The following DPP10 variants were observed in gnomAD, a reference collection of about 807,000 sequenced individuals.
DPP10 encodes inactive dipeptidyl peptidase 10.
A neutral mutation model predicts 120.9 loss-of-function variants in DPP10; 33 were observed. That is an observed-to-expected ratio of 0.27 (90% confidence interval 0.21 to 0.37). The LOEUF (loss-of-function observed/expected upper bound fraction) is 0.37. Ranked by LOEUF, DPP10 falls within the 10% of genes least tolerant of loss-of-function variation. The probability of loss-of-function intolerance (pLI) is 1.00; values close to 1 mark genes in which losing one functional copy is unlikely to be tolerated. For missense variants in DPP10, 816 were observed against 942.8 expected, an observed-to-expected ratio of 0.87 and a Z score of 1.76; for synonymous variants, 337 against 326.1, an observed-to-expected ratio of 1.03 and a Z score of -0.36.
At chr2:114,537,193 C>G (rs1573597302) in intron 1 of DPP10, among the ~76,000 whole-genome samples, 1 of 152,040 alleles carries the variant, frequency 6.6e-6, no homozygotes, top group Admixed American at 6.6e-5. Context: ...TATTTCCAGC[C>G]AATGAGCTCA....
intron 1 of DPP10, among the ~76,000 whole-genome samples, chr2:115,092,172 T>C (rs962605565): frequency 3.3e-5 from 5 of 152,234 alleles, no homozygotes; most frequent in Non-Finnish European, 5.9e-5. Context: ...TAATAAGTGG[T>C]AGACTCTCTC....
At chr2:115,436,049 T>A (rs2071463417) in intron 3 of DPP10, among the ~76,000 whole-genome samples, 1 of 151,938 alleles carries the variant, frequency 6.6e-6, no homozygotes, top group Admixed American at 6.6e-5. Context: ...GGAGTGGTAA[T>A]ATCATTCTTT....
chr2:114,901,390 G>T (rs774660230), intron 1 of DPP10, among the ~76,000 whole-genome samples: 2 of 152,084 alleles, frequency 1.3e-5, no homozygotes, highest in Non-Finnish European at 2.9e-5. Flanking sequence ...TAGAGATGGG[G>T]TTTCACCTTG....
intron 1 of DPP10, among the ~76,000 whole-genome samples, chr2:115,247,001 C>T (rs1559308367): frequency 6.6e-6 from 1 of 151,990 alleles, no homozygotes; most frequent in African/African-American, 2.4e-5. Flanking sequence ...GTCAGTTTTC[C>T]CAAACAGCTT....
intron 1 of DPP10, among the ~76,000 whole-genome samples, chr2:114,585,780 T>C (rs11674134): frequency 0.13 from 20,006 of 152,202 alleles, 1,550 homozygotes; most frequent in East Asian, 0.23. Context: ...CAACTTGATG[T>C]CCCTAGAAGG....
chr2:114,796,904 A>G (rs1309802638), intron 1 of DPP10, among the ~76,000 whole-genome samples: 1 of 152,186 alleles, frequency 6.6e-6, no homozygotes, highest in Non-Finnish European at 1.5e-5. Flanking sequence ...GTCACCTTCT[A>G]AAAATTAACC....
chr2:115,232,298 A>G (rs866266284), intron 1 of DPP10, among the ~76,000 whole-genome samples: 18 of 150,810 alleles, frequency 1.2e-4, no homozygotes, highest in Middle Eastern at 6.8e-3. Flanking sequence ...ACTAAGAGAA[A>G]TGTTCTGAGC....
chr2:115,337,143 CA>C (rs11308584), intron 2 of DPP10, among the ~76,000 whole-genome samples: 55,609 of 125,364 alleles, frequency 0.44, 11,330 homozygotes, highest in African/African-American at 0.61. Flanking sequence ...TTGAAGAAAG[CA>C]AAAAAAAAAA....
intron 8 of DPP10, among the ~76,000 whole-genome samples, 193 bp from the exon 9 acceptor site, chr2:115,739,546 T>C (rs1005924923): frequency 6.6e-6 from 1 of 152,086 alleles, no homozygotes; most frequent in African/African-American, 2.4e-5. Flanking sequence ...ATTGTTTCCT[T>C]CCTCTACAGC....
At chr2:115,238,975 G>C (rs2058134513) in intron 1 of DPP10, among the ~76,000 whole-genome samples, 1 of 152,152 alleles carries the variant, frequency 6.6e-6, no homozygotes, top group Non-Finnish European at 1.5e-5. Flanking sequence ...ATTTTCAAGG[G>C]AAGGAAGCAT....
At chr2:115,231,746 A>C (rs1299269213) in intron 1 of DPP10, among the ~76,000 whole-genome samples, 1 of 152,176 alleles carries the variant, frequency 6.6e-6, no homozygotes, top group Non-Finnish European at 1.5e-5. Context: ...AAAGAAATCC[A>C]GTCTTGTGGT....
intron 7 of DPP10, among the ~76,000 whole-genome samples, chr2:115,703,053 A>G (rs1174155374): frequency 1.3e-5 from 2 of 152,026 alleles, no homozygotes; most frequent in Admixed American, 6.6e-5. Context: ...ATACTTATCT[A>G]TAATTGTATC....
intron 4 of DPP10, among the ~76,000 whole-genome samples, chr2:115,503,017 T>A (rs2076763765): frequency 6.6e-6 from 1 of 151,994 alleles, no homozygotes; most frequent in South Asian, 2.1e-4. Context: ...AGAATATATA[T>A]CTTATGCATT....
At chr2:115,501,148 A>T (rs560010691) in intron 4 of DPP10, among the ~76,000 whole-genome samples, 1 of 152,186 alleles carries the variant, frequency 6.6e-6, no homozygotes, top group South Asian at 2.1e-4. Flanking sequence ...TCAGTAGCCA[A>T]GCATTCAGGT....
At chr2:115,176,480 A>G (rs2053700132) in intron 1 of DPP10, among the ~76,000 whole-genome samples, 1 of 151,964 alleles carries the variant, frequency 6.6e-6, no homozygotes, top group African/African-American at 2.4e-5. Context: ...AGAGACTCCC[A>G]AGACTCCACA....
At chr2:115,350,371 T>G (rs1156505374) in intron 3 of DPP10, among the ~76,000 whole-genome samples, 1 of 152,126 alleles carries the variant, frequency 6.6e-6, no homozygotes, top group Non-Finnish European at 1.5e-5. Flanking sequence ...TTGAGTTGTT[T>G]TTATTTTTTC....
chr2:115,137,284 C>T (rs1384774721), intron 1 of DPP10, among the ~76,000 whole-genome samples: 1 of 152,128 alleles, frequency 6.6e-6, no homozygotes, highest in African/African-American at 2.4e-5. Flanking sequence ...AAAAGAATCC[C>T]AGCCCTGGCC....
At chr2:115,762,156 A>G (rs751058474) in intron 11 of DPP10, among the ~76,000 whole-genome samples, 1 of 152,176 alleles carries the variant, frequency 6.6e-6, no homozygotes, top group Admixed American at 6.6e-5. Flanking sequence ...TGAATATTGA[A>G]AGAATGTCCA....
chr2:114,496,896 C>T (rs1055012750), intron 1 of DPP10, among the ~76,000 whole-genome samples: 2 of 151,822 alleles, frequency 1.3e-5, no homozygotes, highest in African/African-American at 4.8e-5. Context: ...TCTCCTCCAG[C>T]CTCTAATAGG....
Sources: gnomAD v4.1 joint callset for allele counts (sites outside exome capture counted in the v4.1 genomes callset) on GRCh38, gnomAD v4.1.1 for gene constraint, MANE v1.5 for transcripts, NCBI Gene and HGNC (gene_info 2026-07-23, HGNC 2026-07-21) for gene names.